The following PCDH15 variants were observed in gnomAD, a reference collection of about 807,000 sequenced individuals.
The protein encoded by PCDH15 is protocadherin related 15, also known as protocadherin-15.
In PCDH15, 129 loss-of-function variants were observed where a neutral mutation model predicts 178.5. The ratio of observed to expected loss-of-function variants is 0.72; its 90% confidence interval spans 0.63 to 0.84. The LOEUF is 0.84. Among genes scored for constraint, PCDH15 ranks in the 40% least tolerant of loss-of-function variants. The probability of loss-of-function intolerance (pLI) is 0.00; values close to 1 mark genes in which losing one functional copy is unlikely to be tolerated. For synonymous variants in PCDH15, 800 were observed against 732.0 expected (o/e 1.09, Z -1.50); for missense variants, 2,230 against 2,099.9 (o/e 1.06, Z -1.21).
At position 54,877,936 on chromosome 10, in the gene PCDH15, C is replaced by CTTTTTTT. The variant is rs1954176789; in HGVS notation, c.-29+19513_-29+19514insAAAAAAA. ...TCTCTTATTCTCTTTCTCTCTCTCT[C>CTTTTTTT]TCTTTTTTTTTTTTTTTTTTTTTTT... On this transcript the variant is annotated intron_variant, in intron 3 of 5. Coordinates refer to the PCDH15 transcript ENST00000458638. Among the ~76,000 whole-genome samples the CTTTTTTT allele has an allele frequency of 1.2e-4, 13 of 104,318 alleles. 1 individual carries two copies. The highest frequency in any genetic ancestry group is 2.4e-4 in the Non-Finnish European group (12 of 50,042). 68.4% of individuals were successfully genotyped at this position (104,318 alleles called of 152,430 possible).
chr10:54,420,392 A>G (rs1406566077), intron 3 of PCDH15, among the ~76,000 whole-genome samples: 1 of 152,100 alleles, frequency 6.6e-6, no homozygotes, highest in Non-Finnish European at 1.5e-5. Context: ...AAAAAGAGCT[A>G]GTATAAATGT....
intron 1 of PCDH15, among the ~76,000 whole-genome samples, chr10:54,684,410 G>A (rs1021158830): frequency 6.6e-6 from 1 of 151,902 alleles, no homozygotes; most frequent in Non-Finnish European, 1.5e-5. Context: ...CTATTTGGAT[G>A]TTTACACTGA....
At chr10:54,566,368 A>G (rs907986888) in intron 2 of PCDH15, among the ~76,000 whole-genome samples, 16 of 152,146 alleles carry the variant, frequency 1.1e-4, no homozygotes, top group Non-Finnish European at 5.9e-5. Flanking sequence ...AGTTTATATT[A>G]GGGTTTATTC....
In PCDH15 at chr10:54,213,929, A is replaced by G; in HGVS notation, c.1098+7T>C. On this transcript the variant is annotated splice_region_variant and intron_variant, in intron 10 of 37. Coordinates refer to ENST00000644397, the MANE Select transcript of PCDH15 (RefSeq NM_001384140.1). Reference sequence around the variant, plus strand: ...ACACAAGGAAATAAGATATTAGCTTAATTTACCTTAATAACCAAATCAAAT... The same window carrying G: ...ACACAAGGAAATAAGATATTAGCTTGATTTACCTTAATAACCAAATCAAAT... 1 of 1,516,388 alleles carries G rather than the reference A, an allele frequency of 6.6e-7. No homozygotes were observed. The highest frequency in any genetic ancestry group is 9.2e-7 in the Non-Finnish European group (1 of 1,092,066). The allele number at this position is 1,516,388 out of a possible 1,614,324, so 93.9% of individuals were successfully genotyped here. A position where few individuals can be genotyped will look rare whatever the true frequency, so the allele number is the denominator to read the frequency against.
intron 2 of PCDH15, among the ~76,000 whole-genome samples, chr10:55,482,743 C>T (rs1196031988): frequency 6.6e-6 from 1 of 151,608 alleles, no homozygotes; most frequent in Non-Finnish European, 1.5e-5. Flanking sequence ...TCTAGCTGAC[C>T]TTAACATTTT....
At chr10:54,355,084 C>T (rs972533682) in intron 5 of PCDH15, among the ~76,000 whole-genome samples, 1 of 121,806 alleles carries the variant, frequency 8.2e-6, no homozygotes, top group Non-Finnish European at 1.6e-5. Flanking sequence ...AAATCTGTCA[C>T]TATTTCCAAA....
chr10:55,005,887 T>C (rs1040225240), intron 2 of PCDH15, among the ~76,000 whole-genome samples: 3 of 152,004 alleles, frequency 2.0e-5, no homozygotes, highest in Non-Finnish European at 4.4e-5. Flanking sequence ...AGCAGAACTA[T>C]TTTGCTCTAT....
intron 1 of PCDH15, among the ~76,000 whole-genome samples, chr10:54,679,069 A>G (rs1401273206): frequency 6.6e-6 from 1 of 151,594 alleles, no homozygotes; most frequent in Non-Finnish European, 1.5e-5. Flanking sequence ...GGGCGCCTGT[A>G]GTCCCAGCTA....
intron 14 of PCDH15, among the ~76,000 whole-genome samples, chr10:54,143,311 A>T (rs1246778701): frequency 1.3e-5 from 2 of 152,168 alleles, no homozygotes; most frequent in African/African-American, 4.8e-5. Flanking sequence ...ACATTGTTGT[A>T]TGCCACAGAA....
At chr10:54,052,260 T>C (rs1218008042) in intron 18 of PCDH15, among the ~76,000 whole-genome samples, 1 of 152,110 alleles carries the variant, frequency 6.6e-6, no homozygotes, top group Admixed American at 6.5e-5. Context: ...CAACACCTTG[T>C]ACCATGTGCC....
intron 18 of PCDH15, among the ~76,000 whole-genome samples, chr10:54,061,711 A>G (rs777624326): frequency 3.9e-5 from 6 of 152,104 alleles, no homozygotes; most frequent in Non-Finnish European, 5.9e-5. Flanking sequence ...TGTATTTACT[A>G]GGTTTTGAGT....
At chr10:55,440,137 A>G (rs998755339) in intron 2 of PCDH15, among the ~76,000 whole-genome samples, 1 of 152,224 alleles carries the variant, frequency 6.6e-6, no homozygotes, top group African/African-American at 2.4e-5. Context: ...ATCATGTAAG[A>G]CAAATGTGAA....
At chr10:54,995,897 A>G (rs182961788) in intron 2 of PCDH15, among the ~76,000 whole-genome samples, 3 of 152,064 alleles carry the variant, frequency 2.0e-5, no homozygotes, top group African/African-American at 7.2e-5. Flanking sequence ...ACATGGTTAC[A>G]TTTCTTTCCT....
At chr10:55,320,949 A>T (rs1843882479), upstream of PCDH15, among the ~76,000 whole-genome samples, 1 of 152,138 alleles carries the variant, frequency 6.6e-6, no homozygotes, top group Non-Finnish European at 1.5e-5. Flanking sequence ...CTGAAATGAC[A>T]GAAACAGAAA....
intron 14 of PCDH15, among the ~76,000 whole-genome samples, chr10:54,150,830 CAAAAAG>C (rs1191578665): frequency 6.6e-6 from 1 of 151,588 alleles, no homozygotes; most frequent in Non-Finnish European, 1.5e-5. Flanking sequence ...TAGGATTTCT[CAAAAAG>C]AAAAGTACAG....
intron 1 of PCDH15, among the ~76,000 whole-genome samples, chr10:54,686,041 A>ATTTTTTTTTTT (rs66539612): frequency 1.4e-4 from 18 of 126,878 alleles, no homozygotes; most frequent in Admixed American, 1.7e-4. Context: ...AAGACAGCCA[A>ATTTTTTTTTTT]TTTTTTTTTT....
intron 2 of PCDH15, among the ~76,000 whole-genome samples, chr10:55,411,144 T>C (rs1838321612): frequency 6.6e-6 from 1 of 152,084 alleles, no homozygotes. Flanking sequence ...CATACCGGAT[T>C]TGAATTTAGA....
intron 4 of PCDH15, among the ~76,000 whole-genome samples, chr10:54,372,056 A>G (rs1461655278): frequency 6.6e-6 from 1 of 151,922 alleles, no homozygotes; most frequent in Non-Finnish European, 1.5e-5. Context: ...AGTGTGTAAT[A>G]GACCTTTTAA....
At chr10:54,497,285 C>T (rs1430780800) in intron 3 of PCDH15, among the ~76,000 whole-genome samples, 3 of 149,106 alleles carry the variant, frequency 2.0e-5, no homozygotes, top group African/African-American at 7.4e-5. Flanking sequence ...AATATAAAAG[C>T]ACAAATCCCC....
Sources: gnomAD v4.1 joint callset for allele counts (sites outside exome capture counted in the v4.1 genomes callset) on GRCh38, gnomAD v4.1.1 for gene constraint, MANE v1.5 for transcripts, NCBI Gene and HGNC (gene_info 2026-07-23, HGNC 2026-07-21) for gene names.